Variants in RGS20 observed in about 807,000 individuals in gnomAD.
RGS20 encodes regulator of G protein signaling 20, also known as gz-selective GTPase-activating protein.
In RGS20, 30 loss-of-function variants were observed where a neutral mutation model predicts 33.6. The observed-to-expected ratio is 0.89, with a 90% confidence interval of 0.67 to 1.21. The LOEUF (loss-of-function observed/expected upper bound fraction) is 1.21. Ranked by LOEUF, RGS20 falls within the 50% of genes most tolerant of loss-of-function variation. The pLI, the probability that RGS20 is intolerant of heterozygous loss-of-function variation, is 0.00. For synonymous variants in RGS20, 208 were observed against 197.9 expected (o/e 1.05, Z -0.43); for missense variants, 472 against 502.4 (o/e 0.94, Z 0.58).
At chr8:53,896,150 T>G (rs1812853556) in intron 2 of RGS20, among the ~76,000 whole-genome samples, 1 of 152,088 alleles carries the variant, frequency 6.6e-6, no homozygotes, top group Non-Finnish European at 1.5e-5. Flanking sequence ...TGTGGTGGCA[T>G]GAGCCTTAGT....
chr8:53,860,856 A>C (rs917085409), intron 1 of RGS20, among the ~76,000 whole-genome samples: 1 of 152,092 alleles, frequency 6.6e-6, no homozygotes, highest in East Asian at 1.9e-4. Flanking sequence ...AATCCCAGCT[A>C]CTCAGGAGGC....
At chr8:53,930,042 G>T (rs1585931662) in intron 2 of RGS20, among the ~76,000 whole-genome samples, 1 of 152,136 alleles carries the variant, frequency 6.6e-6, no homozygotes, top group South Asian at 2.1e-4. Context: ...AGACAAAGGT[G>T]CCTAGTACTA....
chr8:53,892,827 T>C (rs1320780665), intron 2 of RGS20, among the ~76,000 whole-genome samples: 2 of 152,208 alleles, frequency 1.3e-5, no homozygotes, highest in Non-Finnish European at 2.9e-5. Flanking sequence ...TGGTACAGTT[T>C]CTAAAATTTT....
At chr8:53,869,870 C>T (rs564545535) in intron 1 of RGS20, among the ~76,000 whole-genome samples, 76 of 152,130 alleles carry the variant, frequency 5.0e-4, no homozygotes, top group South Asian at 1.0e-3. Context: ...GAGAAAGGAG[C>T]GTGGCTTGGG....
At chr8:53,862,277 A>G (rs1270609575) in intron 1 of RGS20, among the ~76,000 whole-genome samples, 4 of 152,212 alleles carry the variant, frequency 2.6e-5, no homozygotes, top group African/African-American at 9.6e-5. Context: ...ATGAATTCAT[A>G]CATCACTCCT....
chr8:53,887,279 A>G, intron 2 of RGS20: 1 of 194,180 alleles, frequency 5.1e-6, no homozygotes, highest in Non-Finnish European at 1.1e-5. Flanking sequence ...TAAAAAGAGT[A>G]AATTCCTTTT....
chr8:53,942,841 A>C (rs975199510), intron 3 of RGS20, among the ~76,000 whole-genome samples: 2 of 150,470 alleles, frequency 1.3e-5, no homozygotes, highest in African/African-American at 2.4e-5. Context: ...AAAAAAAAAA[A>C]AAAAGTTAGC....
chr8:53,866,792 A>T lies in RGS20; in HGVS notation c.166-12466A>T, dbSNP rs1323744758. ...TGGAACTGTTAAGGAGGCCACTATA[A>T]TTTAATTAAGAGAGCTGGGAAGTAA... On this transcript the variant is annotated intron_variant, in intron 1 of 5. Coordinates refer to ENST00000297313, the MANE Select transcript of RGS20 (RefSeq NM_170587.4). 2.0e-5 allele frequency among the ~76,000 whole-genome samples: 3 copies of T among 152,048 alleles called. No homozygotes were observed. The East Asian group carries it at 5.8e-4, about 29-fold the overall frequency.
At position 53,885,050 on chromosome 8, in the gene RGS20, A is replaced by G. The variant is rs553100074; in HGVS notation, c.510+5448A>G. On this transcript the variant is annotated intron_variant, in intron 2 of 5. Transcript: ENST00000297313. ...CCAGCTGGCTTTGAAGGTCTTTCCT[A>G]TAAGAAAGCCTTTTAGAAAACGCCT... Among the ~76,000 whole-genome samples the G allele has an allele frequency of 5.6e-4, 85 of 152,354 alleles. 1 individual carries two copies. In the South Asian group the frequency reaches 0.012, roughly 21 times the overall value.
chr8:53,917,591 C>T (rs1021145276), intron 2 of RGS20, among the ~76,000 whole-genome samples: 17 of 152,194 alleles, frequency 1.1e-4, no homozygotes, highest in African/African-American at 3.9e-4. Context: ...AAAATTTACA[C>T]ACCATAAAGT....
intron 2 of RGS20, among the ~76,000 whole-genome samples, chr8:53,927,200 CG>C (rs1440447111): frequency 6.1e-5 from 8 of 131,346 alleles, no homozygotes; most frequent in African/African-American, 2.5e-4. Context: ...TTTTTTGGGG[CG>C]TTTTTTTTTT....
intron 2 of RGS20, among the ~76,000 whole-genome samples, chr8:53,918,502 C>A (rs1441177258): frequency 6.6e-6 from 1 of 151,996 alleles, no homozygotes. Flanking sequence ...AGTTCTCTTG[C>A]CTCAGCCTCT....
intron 3 of RGS20, 56 bp from the exon 3 acceptor site, chr8:53,946,609 A>G: frequency 7.2e-7 from 1 of 1,392,288 alleles, no homozygotes; most frequent in Non-Finnish European, 1.0e-6. Flanking sequence ...TATTTGTAAA[A>G]AATCTTTTCT....
chr8:53,953,801 C>T (rs1331635742), intron 4 of RGS20, among the ~76,000 whole-genome samples: 2 of 152,038 alleles, frequency 1.3e-5, no homozygotes, highest in Admixed American at 1.3e-4. Context: ...TCAAGATGTG[C>T]CCATTTGTAA....
chr8:53,852,336 A>T (rs1367454965), intron 1 of RGS20, among the ~76,000 whole-genome samples: 1 of 152,222 alleles, frequency 6.6e-6, no homozygotes, highest in Non-Finnish European at 1.5e-5. Flanking sequence ...AGGTGATAAC[A>T]TTCAACAAAT....
intron 2 of RGS20, 78 bp downstream of exon 1, chr8:53,881,162 G>T: frequency 9.2e-7 from 1 of 1,091,768 alleles, no homozygotes; most frequent in Non-Finnish European, 1.2e-6. Flanking sequence ...AGTGGCCGAG[G>T]CTGGGAGGGG....
intron 4 of RGS20, among the ~76,000 whole-genome samples, chr8:53,947,336 T>A (rs1185792429): frequency 1.5e-5 from 2 of 137,740 alleles, no homozygotes; most frequent in East Asian, 4.2e-4. Flanking sequence ...ATGCTATATA[T>A]AAGATAGTAT....
At chr8:53,948,119 G>A (rs1209821316) in intron 4 of RGS20, among the ~76,000 whole-genome samples, 1 of 128,610 alleles carries the variant, frequency 7.8e-6, no homozygotes, top group Non-Finnish European at 1.5e-5. Flanking sequence ...TATATAAGAT[G>A]TAGTATATAT....
chr8:53,931,053 C>A (rs2128821), intron 2 of RGS20, among the ~76,000 whole-genome samples: 153 of 151,982 alleles, frequency 1.0e-3, no homozygotes, highest in Non-Finnish European at 1.4e-3. Context: ...AGCTGTCTCC[C>A]TGTGGTACCC....
Sources: allele counts gnomAD v4.1 joint callset (sites outside exome capture counted in the v4.1 genomes callset), GRCh38; gene constraint gnomAD v4.1.1; transcripts MANE v1.5; gene names NCBI Gene and HGNC (gene_info 2026-07-23, HGNC 2026-07-21).